Variants in ZNF385C observed in about 807,000 individuals in gnomAD.
ZNF385C encodes CTD-2132N18.2.
A neutral mutation model predicts 35.4 loss-of-function variants in ZNF385C; 28 were observed. That is an observed-to-expected ratio of 0.79 (90% confidence interval 0.59 to 1.08). The LOEUF (loss-of-function observed/expected upper bound fraction) is 1.08. Ranked by LOEUF, ZNF385C falls within the 50% of genes least tolerant of loss-of-function variation. ZNF385C has a pLI of 0.00. For synonymous variants in ZNF385C, 248 were observed against 248.2 expected, an observed-to-expected ratio of 1.00 and a Z score of 0.01; for missense variants, 605 against 595.6, an observed-to-expected ratio of 1.02 and a Z score of -0.16.
chr17:42,092,508 TG>T (rs1205110668), intron 1 of ZNF385C, among the ~76,000 whole-genome samples: 2 of 152,176 alleles, frequency 1.3e-5, no homozygotes, highest in Admixed American at 1.3e-4. Context: ...GGAGGCCCTT[TG>T]GGGTCCTAGG....
chr17:42,041,843 G>A (rs542669823), intron 2 of ZNF385C, among the ~76,000 whole-genome samples: 27 of 152,142 alleles, frequency 1.8e-4, no homozygotes, highest in Admixed American at 5.9e-4. Context: ...CATGCTTCCA[G>A]GGGCCATGTG....
chr17:42,027,930 C>A, intron 7 of ZNF385C, 120 bp downstream of exon 7: 1 of 1,363,590 alleles, frequency 7.3e-7, no homozygotes, highest in Non-Finnish European at 1.0e-6. Flanking sequence ...CTGCTGGCCT[C>A]GCTTCTCCAG....
In ZNF385C at chr17:42,072,032, C is replaced by A. The variant is rs570597631; in HGVS notation, c.-2-8974G>T. Among the ~76,000 whole-genome samples, 14 of 152,194 alleles carry A rather than the reference C, an allele frequency of 9.2e-5. No individual in the cohort carries two copies. The East Asian group carries it at 2.7e-3, about 30-fold the overall frequency. ...TCTGCACGTTGGGGGTAGGAAGGGG[C>A]GGGACAGGAAGTCCTCCAATGACTG... On this transcript the variant is annotated intron_variant, in intron 1 of 8. Coordinates refer to ENST00000692273, the MANE Select transcript of ZNF385C (RefSeq NM_001392013.1).
At position 42,026,962 on chromosome 17, in the gene ZNF385C, G is replaced by A; in HGVS notation, c.1447C>T (p.Leu483=). 6.2e-7 allele frequency: 1 copy of A among 1,611,988 alleles called. No homozygotes were observed. Among genetic ancestry groups the A allele is most frequent in the Non-Finnish European group, 8.5e-7 (1 of 1,178,870 alleles). Residue 483 remains leucine, a synonymous_variant, in exon 9 of 9, where the codon CTG becomes TTG. Transcript: ENST00000692273. ...ACAGCTCCTGCTGGGGTGCGAAACA[G>A]AGCTGGGCCCAGGATGGGAGCCGGG... ...LFPAPILGPA[L]FRTPAGAVRP...
intron 2 of ZNF385C, among the ~76,000 whole-genome samples, chr17:42,057,494 G>A (rs1175968360): frequency 6.3e-5 from 7 of 111,474 alleles, no homozygotes; most frequent in African/African-American, 2.5e-4. Context: ...TTATTTAGGG[G>A]TGTGCGCGCG....
chr17:42,027,354 G>A (rs1352381047), intron 8 of ZNF385C, among the ~76,000 whole-genome samples: 2 of 152,074 alleles, frequency 1.3e-5, no homozygotes, highest in African/African-American at 2.4e-5. Context: ...TGGGAGAAGG[G>A]AGGAGGATTT....
chr17:42,063,942 C>T (rs2053504957), intron 1 of ZNF385C, among the ~76,000 whole-genome samples: 1 of 152,076 alleles, frequency 6.6e-6, no homozygotes, highest in Non-Finnish European at 1.5e-5. Context: ...TCCAGATGCC[C>T]CCTGCTGTCT....
rs1391137248 is a variant in ZNF385C, at chr17:42,094,594, G to A, written c.-3+3816C>T. On this transcript the variant is annotated intron_variant, in intron 1 of 8. Coordinates refer to ENST00000692273, the MANE Select transcript of ZNF385C (RefSeq NM_001392013.1). ...ACAGAGATAACAAAGGACAGGGTCA[G>A]GAGAGGGGAAAGGACACAGATGGGG... 2.0e-5 allele frequency among the ~76,000 whole-genome samples: 3 copies of A among 152,224 alleles called. No homozygotes were observed. In the East Asian group the frequency reaches 5.8e-4, roughly 29 times the overall value.
chr17:42,027,077 G>A lies in ZNF385C; in HGVS notation c.1332C>T (p.Pro444=). 1 of 1,611,794 alleles carries A rather than the reference G, an allele frequency of 6.2e-7. No individual in the cohort carries two copies. Among genetic ancestry groups the A allele is most frequent in the Non-Finnish European group, 8.5e-7 (1 of 1,178,974 alleles). Reference sequence around the variant, plus strand: ...CAGTGGCTGCGGTGGGGAGCGGGCTGGGCAGGAAGCGGGCTGCCAACGTCT... The same window carrying A: ...CAGTGGCTGCGGTGGGGAGCGGGCTAGGCAGGAAGCGGGCTGCCAACGTCT... ...LTKTLAARFL[P]SPLPTAATAI... is the part of the protein sequence containing the mutation. The change falls in exon 9 of 9, where the codon CCC becomes CCT. Residue 444 remains proline, a synonymous_variant. Transcript: ENST00000692273.
At chr17:42,076,032 GC>G (rs1346735704) in intron 1 of ZNF385C, among the ~76,000 whole-genome samples, 16 of 152,130 alleles carry the variant, frequency 1.1e-4, no homozygotes, top group Admixed American at 1.0e-3. Flanking sequence ...GTAGTTTCCT[GC>G]GCTGGGAGGC....
chr17:42,048,285 C>T (rs1475093631), intron 2 of ZNF385C, among the ~76,000 whole-genome samples: 3 of 151,504 alleles, frequency 2.0e-5, no homozygotes, highest in Non-Finnish European at 4.4e-5. Context: ...CACCTGTAAT[C>T]CTAGCATTTT....
chr17:42,063,636 A>G (rs937018745), intron 1 of ZNF385C, among the ~76,000 whole-genome samples: 2 of 152,154 alleles, frequency 1.3e-5, no homozygotes, highest in African/African-American at 4.8e-5. Flanking sequence ...ACACCTGGGG[A>G]CTCGGAGGGC....
At chr17:42,027,554 G>GGCCCCCCCCCCCCCCCCCC in intron 8 of ZNF385C, 64 bp downstream of exon 8, 41 of 556,864 alleles carry the variant, frequency 7.4e-5, no homozygotes, top group East Asian at 2.7e-4. Context: ...CCCCCATCTG[G>GGCCCCCCCCCCCCCCCCCC]CCCTCCCAGC....
intron 2 of ZNF385C, chr17:42,038,619 A>T (rs1313015793): frequency 6.6e-6 from 1 of 152,502 alleles, no homozygotes; most frequent in African/African-American, 2.4e-5. Context: ...AGAAAAAAAA[A>T]AAAATCCAGC....
At chr17:42,072,582 A>T (rs2053640514) in intron 1 of ZNF385C, among the ~76,000 whole-genome samples, 1 of 151,880 alleles carries the variant, frequency 6.6e-6, no homozygotes, top group Admixed American at 6.6e-5. Context: ...CTCCGGACAA[A>T]CCCGGCTGCG....
At chr17:42,042,789 C>A in intron 2 of ZNF385C, 2 of 1,227,330 alleles carry the variant, frequency 1.6e-6, no homozygotes, top group South Asian at 4.2e-5. Context: ...GGCTCAGTGT[C>A]CTCCCTTCCC....
chr17:42,047,900 G>A (rs552804391), intron 2 of ZNF385C, among the ~76,000 whole-genome samples: 6 of 151,562 alleles, frequency 4.0e-5, no homozygotes, highest in African/African-American at 4.9e-5. Flanking sequence ...TGATCTGCCC[G>A]CCTCAGCCTC....
chr17:42,051,739 C>T (rs1242205296), intron 2 of ZNF385C, among the ~76,000 whole-genome samples: 2 of 152,110 alleles, frequency 1.3e-5, no homozygotes, highest in African/African-American at 4.8e-5. Flanking sequence ...GTACGCTGCT[C>T]TTCTGCAAAA....
At chr17:42,094,329 C>T (rs1025603375) in intron 1 of ZNF385C, among the ~76,000 whole-genome samples, 2 of 152,188 alleles carry the variant, frequency 1.3e-5, no homozygotes, top group Admixed American at 6.5e-5. Context: ...CGAGACTCCT[C>T]AAGAGACTAA....
Sources: gnomAD v4.1 joint callset for allele counts (sites outside exome capture counted in the v4.1 genomes callset) on GRCh38, gnomAD v4.1.1 for gene constraint, MANE v1.5 for transcripts, NCBI Gene and HGNC (gene_info 2026-07-23, HGNC 2026-07-21) for gene names.